The following SUMO2 variants were observed in gnomAD, a reference collection of about 807,000 sequenced individuals.
The protein encoded by SUMO2 is small ubiquitin like modifier 2.
SUMO2 carries 1 observed loss-of-function variant against 16.0 expected under a neutral mutation model. The ratio of observed to expected loss-of-function variants is 0.06; its 90% CI spans 0.02 to 0.30. The LOEUF is 0.30. SUMO2 is among the 10% of genes least tolerant of loss of function. SUMO2 has a pLI of 1.00. For missense variants in SUMO2, 16 were observed against 117.5 expected (o/e 0.14, Z 3.99); for synonymous variants, 36 against 40.6 (o/e 0.89, Z 0.43).
At position 75,182,756 on chromosome 17, in the gene SUMO2, C is replaced by G. The variant is rs540752665; in HGVS notation, c.21+58G>C. ...CCAGCGGCGGGCTCTGGCCGGACCC[C>G]GGCCCGCGCCATGACCCCCACCGCG... On this transcript the variant is annotated intron_variant, in intron 1 of 3. Coordinates refer to ENST00000420826, the MANE Select transcript of SUMO2 (RefSeq NM_006937.4). 1.5e-3 allele frequency: 1,911 copies of G among 1,269,988 alleles called. 28 individuals are homozygous for G. The African/African-American group carries it at 0.026, about 17-fold the overall frequency. 78.7% of individuals were successfully genotyped at this position (1,269,988 alleles called of 1,614,324 possible).
At chr17:75,179,812 C>A (rs1231454132) in intron 2 of SUMO2, among the ~76,000 whole-genome samples, 1 of 152,050 alleles carries the variant, frequency 6.6e-6, no homozygotes, top group Non-Finnish European at 1.5e-5. Context: ...GCGTGTAACA[C>A]CACGCCCAGC....
chr17:75,172,541 C>T (rs976134279), intron 3 of SUMO2, among the ~76,000 whole-genome samples: 2 of 147,436 alleles, frequency 1.4e-5, no homozygotes, highest in African/African-American at 2.5e-5. Context: ...AGTGCAATGG[C>T]GTGATCTCCG....
At chr17:75,170,038 G>A (rs932627131) in intron 3 of SUMO2, among the ~76,000 whole-genome samples, 1 of 150,430 alleles carries the variant, frequency 6.6e-6, no homozygotes, top group South Asian at 2.1e-4. Flanking sequence ...GCGTGGTGGC[G>A]CACGCCTGCA....
intron 3 of SUMO2, among the ~76,000 whole-genome samples, chr17:75,169,868 G>C (rs2074722902): frequency 6.8e-6 from 1 of 148,144 alleles, no homozygotes; most frequent in African/African-American, 2.5e-5. Context: ...AAAAAAGGTG[G>C]GGGGGGGCGG....
At chr17:75,177,988 CA>C (rs59613076) in intron 2 of SUMO2, among the ~76,000 whole-genome samples, 878 of 66,338 alleles carry the variant, frequency 0.013, 8 homozygotes, top group African/African-American at 0.056. Flanking sequence ...GACTCCGTCT[CA>C]AAAAAAAAAA....
intron 3 of SUMO2, among the ~76,000 whole-genome samples, chr17:75,170,559 ACT>A (rs1193053008): frequency 6.7e-6 from 1 of 149,014 alleles, no homozygotes; most frequent in Non-Finnish European, 1.5e-5. Context: ...ACAGAGCAAG[ACT>A]CTGTCTCAAA....
intron 3 of SUMO2, among the ~76,000 whole-genome samples, chr17:75,169,678 C>T (rs1015331852): frequency 2.6e-5 from 4 of 152,016 alleles, no homozygotes; most frequent in South Asian, 2.1e-4. Context: ...CCACTGCACC[C>T]GGCCTAAAAA....
At chr17:75,175,597 G>C (rs2074775978) in intron 2 of SUMO2, among the ~76,000 whole-genome samples, 1 of 151,870 alleles carries the variant, frequency 6.6e-6, no homozygotes, top group Non-Finnish European at 1.5e-5. Context: ...TGGGATTACA[G>C]GCATAAGACA....
In SUMO2 at chr17:75,172,325, C is replaced by CTTCTTTTTT. The variant is rs140644374; in HGVS notation, c.225+2426_225+2427insAAAAAAGAA. 1.8e-5 allele frequency among the ~76,000 whole-genome samples: 2 copies of CTTCTTTTTT among 109,418 alleles called. 1 individual carries two copies. 71.8% of individuals were successfully genotyped at this position (109,418 alleles called of 152,430 possible). A position where few individuals can be genotyped will look rare whatever the true frequency, so the allele number is the denominator to read the frequency against. ...ACAGTCGTGAGCTACTGTACCCAGA[C>CTTCTTTTTT]TTTTTTTTTTTTTTTTTTGAGACAG... On this transcript the variant is annotated intron_variant, in intron 3 of 3. Coordinates refer to ENST00000420826, the MANE Select transcript of SUMO2 (RefSeq NM_006937.4).
rs145608555 is a variant in SUMO2, at chr17:75,182,114, C to T, written c.21+700G>A. On this transcript the variant is annotated intron_variant, in intron 1 of 3. Transcript: ENST00000420826. ...GCCGCACAAAGTCTCTCTGCTCGTACCTGTGCCTCCAACTTCATGAAACCA... is the reference window on the plus strand; with the variant it reads ...GCCGCACAAAGTCTCTCTGCTCGTATCTGTGCCTCCAACTTCATGAAACCA... Among the ~76,000 whole-genome samples the T allele has an allele frequency of 2.5e-3, 378 of 152,266 alleles. 1 individual carries two copies. The highest frequency in any genetic ancestry group is 5.0e-3 in the Admixed American group (76 of 15,290).
chr17:75,171,314 A>G (rs2074736889), intron 3 of SUMO2, among the ~76,000 whole-genome samples: 1 of 151,478 alleles, frequency 6.6e-6, no homozygotes, highest in East Asian at 1.9e-4. Flanking sequence ...TGACTCCGTC[A>G]ATACAGAAAA....
chr17:75,170,549 A>G (rs1412749122), intron 3 of SUMO2, among the ~76,000 whole-genome samples: 2 of 145,462 alleles, frequency 1.4e-5, no homozygotes, highest in East Asian at 2.1e-4. Flanking sequence ...CAGCCTGGCA[A>G]CAGAGCAAGA....
chr17:75,179,146 TCAAATATAGAA>T (rs2074807077), intron 2 of SUMO2, among the ~76,000 whole-genome samples: 2 of 152,306 alleles, frequency 1.3e-5, no homozygotes, highest in East Asian at 3.9e-4. Flanking sequence ...GCACTAGTGT[TCAAATATAGAA>T]GATGCCAGTT....
At chr17:75,182,278 G>C (rs1181674813) in intron 1 of SUMO2, 1 of 152,314 alleles carries the variant, frequency 6.6e-6, no homozygotes, top group Non-Finnish European at 1.5e-5. Flanking sequence ...GGCGGCCCGC[G>C]GGCATCCAGG....
chr17:75,182,521 C>G (rs934621497), intron 1 of SUMO2: 15 of 249,028 alleles, frequency 6.0e-5, no homozygotes, highest in African/African-American at 2.7e-4. Flanking sequence ...GCCAAGAATC[C>G]CCGTTCGGGG....
At chr17:75,178,227 G>A (rs2074799057) in intron 2 of SUMO2, among the ~76,000 whole-genome samples, 1 of 151,184 alleles carries the variant, frequency 6.6e-6, no homozygotes, top group Admixed American at 6.6e-5. Context: ...TAAGAATAGT[G>A]TTCAAGGCCA....
chr17:75,179,950 G>A (rs575368987), intron 2 of SUMO2, among the ~76,000 whole-genome samples: 1 of 152,200 alleles, frequency 6.6e-6, no homozygotes, highest in East Asian at 1.9e-4. Flanking sequence ...AGGCCTAAAG[G>A]AAGTTTTTAT....
At position 75,166,955 on chromosome 17, in the gene SUMO2, TAA is replaced by T. The variant is rs879276250; in HGVS notation, c.*1382_*1383del. The T allele has an allele frequency of 6.6e-6, 1 of 151,508 alleles. No individual in the cohort carries two copies. The highest frequency in any genetic ancestry group is 1.5e-5 in the Non-Finnish European group (1 of 67,958). The allele number at this position is 151,508 out of a possible 1,614,324, so 9.4% of individuals were successfully genotyped here. On this transcript the variant is annotated 3_prime_UTR_variant, in exon 4 of 4. Transcript: ENST00000420826. ...CCCTAAGAAACAAAAATTAAAATAA[TAA>T]AGACTGTAGTGACCTGTATATTTAA...
intron 1 of SUMO2, among the ~76,000 whole-genome samples, chr17:75,181,833 C>A (rs1341519302): frequency 3.3e-5 from 5 of 152,112 alleles, no homozygotes; most frequent in African/African-American, 7.2e-5. Context: ...TCTCCCCTCC[C>A]CCCCTTTGTT....
Sources: allele counts gnomAD v4.1 joint callset (sites outside exome capture counted in the v4.1 genomes callset), GRCh38; gene constraint gnomAD v4.1.1; transcripts MANE v1.5; gene names NCBI Gene and HGNC (gene_info 2026-07-23, HGNC 2026-07-21).